The following TFAP2D variants were observed in gnomAD, a reference collection of about 807,000 sequenced individuals.
The protein encoded by TFAP2D is transcription factor AP-2 delta.
A neutral mutation model predicts 43.6 loss-of-function variants in TFAP2D; 9 were observed. That is an observed-to-expected ratio of 0.21 (90% CI 0.12 to 0.36). The LOEUF (loss-of-function observed/expected upper bound fraction) is 0.36. Among genes scored for constraint, TFAP2D ranks in the 10% least tolerant of loss-of-function variants. The pLI is 1.00. For missense variants in TFAP2D, 513 were observed against 561.4 expected, an observed-to-expected ratio of 0.91 and a Z score of 0.87; for synonymous variants, 256 against 224.9, an observed-to-expected ratio of 1.14 and a Z score of -1.24.
chr6:50,714,312 G>C (rs977708704), intron 1 of TFAP2D, among the ~76,000 whole-genome samples: 1 of 151,908 alleles, frequency 6.6e-6, no homozygotes, highest in Non-Finnish European at 1.5e-5. Context: ...TCTCTGCCAC[G>C]TTAAGAAACA....
rs576983516 is a variant in TFAP2D at position 50,721,818 on chromosome 6, T to A, written c.598+2668T>A. ...CTTTTCTGCTAAGTTCCCGGATTAA[T>A]TTACATTTCTAATGGTTTCTAGAAT... is the stretch of plus-strand genomic sequence containing the variant. On this transcript the variant is annotated intron_variant, in intron 3 of 7. Transcript: ENST00000008391. Among the ~76,000 whole-genome samples, 255 of 152,364 alleles carry A rather than the reference T, an allele frequency of 1.7e-3. 1 individual carries two copies. Among genetic ancestry groups the A allele is most frequent in the Non-Finnish European group, 2.9e-3 (195 of 68,034 alleles).
At chr6:50,721,468 G>A (rs7761796) in intron 3 of TFAP2D, among the ~76,000 whole-genome samples, 9,461 of 152,208 alleles carry the variant, frequency 0.062, 335 homozygotes, top group African/African-American at 0.091. Flanking sequence ...CAAGTGGATA[G>A]CAGGGAAGTG....
intron 7 of TFAP2D, among the ~76,000 whole-genome samples, chr6:50,765,952 A>G (rs1769435776): frequency 6.6e-6 from 1 of 152,174 alleles, no homozygotes; most frequent in Admixed American, 6.5e-5. Context: ...ACCAATGCCA[A>G]AAATATTTTT....
chr6:50,742,627 TA>T (rs1308996300), intron 5 of TFAP2D, among the ~76,000 whole-genome samples: 2 of 150,672 alleles, frequency 1.3e-5, no homozygotes, highest in Non-Finnish European at 3.0e-5. Flanking sequence ...GATAGATAGA[TA>T]GATGATAGAT....
At chr6:50,726,135 AGTTAGCAC>A (rs1768804160) in intron 3 of TFAP2D, among the ~76,000 whole-genome samples, 1 of 152,130 alleles carries the variant, frequency 6.6e-6, no homozygotes, top group African/African-American at 2.4e-5. Context: ...GGGCCCAGGG[AGTTAGCAC>A]GTGGGTAGAT....
chr6:50,740,823 T>G (rs1042804801), intron 5 of TFAP2D, among the ~76,000 whole-genome samples: 2 of 152,212 alleles, frequency 1.3e-5, no homozygotes, highest in Non-Finnish European at 2.9e-5. Context: ...TTAAACCTGC[T>G]TCTTATAAAA....
At chr6:50,753,759 A>T (rs1264912289) in intron 7 of TFAP2D, among the ~76,000 whole-genome samples, 1 of 151,900 alleles carries the variant, frequency 6.6e-6, no homozygotes, top group East Asian at 1.9e-4. Flanking sequence ...TGTTGATATT[A>T]TTTATATATT....
intron 7 of TFAP2D, among the ~76,000 whole-genome samples, chr6:50,763,859 A>G (rs1025755419): frequency 6.6e-6 from 1 of 152,102 alleles, no homozygotes. Context: ...GGCTTGGGAG[A>G]GTGAATTGAC....
intron 6 of TFAP2D, among the ~76,000 whole-genome samples, chr6:50,746,596 T>C (rs1191903537): frequency 6.6e-6 from 1 of 152,136 alleles, no homozygotes; most frequent in African/African-American, 2.4e-5. Flanking sequence ...CATCACTTCT[T>C]AGAAACTGAT....
intron 7 of TFAP2D, among the ~76,000 whole-genome samples, chr6:50,759,565 G>A (rs1317989676): frequency 6.6e-6 from 1 of 151,912 alleles, no homozygotes; most frequent in Admixed American, 6.6e-5. Context: ...AAAAAGCTTA[G>A]CATTTTCATT....
chr6:50,728,737 TA>T (rs1264744425), intron 3 of TFAP2D, 118 bp from the exon 4 acceptor site: 129 of 939,328 alleles, frequency 1.4e-4, no homozygotes, highest in Middle Eastern at 1.0e-3. Flanking sequence ...GGGGGATATA[TA>T]AGTACAACTG....
intron 3 of TFAP2D, among the ~76,000 whole-genome samples, chr6:50,727,877 A>C (rs1224583893): frequency 6.6e-6 from 1 of 152,222 alleles, no homozygotes; most frequent in South Asian, 2.1e-4. Context: ...AAAGTCTTGC[A>C]GTGGGGGAGG....
intron 5 of TFAP2D, among the ~76,000 whole-genome samples, chr6:50,734,491 A>G (rs1228993825): frequency 6.6e-6 from 1 of 151,998 alleles, no homozygotes; most frequent in Non-Finnish European, 1.5e-5. Context: ...ATTATCAGGG[A>G]CTTTTTTATT....
chr6:50,766,162 G>A (rs1246356837), intron 7 of TFAP2D, among the ~76,000 whole-genome samples: 4 of 152,126 alleles, frequency 2.6e-5, no homozygotes, highest in Non-Finnish European at 5.9e-5. Context: ...TCTTGTCAAA[G>A]ATTAGCTTAC....
intron 7 of TFAP2D, among the ~76,000 whole-genome samples, chr6:50,762,207 C>G (rs1049664216): frequency 6.6e-6 from 1 of 152,052 alleles, no homozygotes; most frequent in Non-Finnish European, 1.5e-5. Context: ...AGTTTTGACA[C>G]CCACTGTTAA....
chr6:50,752,841 T>A (rs975662488), intron 7 of TFAP2D, among the ~76,000 whole-genome samples: 1 of 151,888 alleles, frequency 6.6e-6, no homozygotes, highest in Non-Finnish European at 1.5e-5. Flanking sequence ...AATCCTTGTA[T>A]CTGTGAGCCC....
Position 50,722,813 on chromosome 6 carries a change from AG to A in TFAP2D, c.598+3671del, listed in dbSNP as rs879401646. 1.5e-4 allele frequency among the ~76,000 whole-genome samples: 21 copies of A among 139,230 alleles called. No homozygotes were observed. In the East Asian group the frequency reaches 3.4e-3, roughly 22 times the overall value. The allele number at this position is 139,230 out of a possible 152,430, so 91.3% of individuals were successfully genotyped here. A position where few individuals can be genotyped will look rare whatever the true frequency, so the allele number is the denominator to read the frequency against. ...TGTGAAATCGAGATGGCAACTAAAA[AG>A]GGGGGGGCGGGGGATGGGAGAGGAA... On this transcript the variant is annotated intron_variant, in intron 3 of 7. Transcript: ENST00000008391.
At chr6:50,742,575 TAGATA>T (rs1331239954) in intron 5 of TFAP2D, among the ~76,000 whole-genome samples, 1 of 11,082 alleles carries the variant, frequency 9.0e-5, no homozygotes, top group African/African-American at 2.1e-4. Context: ...CAGACACACA[TAGATA>T]GATAGATAGA....
chr6:50,756,047 G>A (rs1769260687), intron 7 of TFAP2D, among the ~76,000 whole-genome samples: 1 of 151,822 alleles, frequency 6.6e-6, no homozygotes, highest in Admixed American at 6.6e-5. Flanking sequence ...ATTTTTTATA[G>A]AGATAGGGTT....
Sources: allele counts gnomAD v4.1 joint callset (sites outside exome capture counted in the v4.1 genomes callset), GRCh38; gene constraint gnomAD v4.1.1; transcripts MANE v1.5; gene names NCBI Gene and HGNC (gene_info 2026-07-23, HGNC 2026-07-21).